The following ANHX variants were observed in gnomAD, a reference collection of about 807,000 sequenced individuals.
ANHX encodes the protein anomalous homeobox, also known as anomalous homeobox protein.
Under a neutral mutation model 38.9 loss-of-function variants are expected in ANHX, and 20 were observed. The ratio of observed to expected loss-of-function variants is 0.51; its 90% CI spans 0.36 to 0.75. The LOEUF (loss-of-function observed/expected upper bound fraction) is 0.75. ANHX is among the 30% of genes least tolerant of loss of function. The probability of loss-of-function intolerance (pLI) is 0.00; values close to 1 mark genes in which losing one functional copy is unlikely to be tolerated. For missense variants in ANHX, 475 were observed against 493.1 expected, an observed-to-expected ratio of 0.96 and a Z score of 0.35; for synonymous variants, 185 against 203.1, an observed-to-expected ratio of 0.91 and a Z score of 0.76.
intron 8 of ANHX, among the ~76,000 whole-genome samples, chr12:133,220,552 A>G (rs900671657): frequency 1.3e-5 from 2 of 152,170 alleles, no homozygotes; most frequent in South Asian, 4.1e-4. Context: ...ATGAGCCTTG[A>G]GTCAACCTGG....
In ANHX at chr12:133,219,334, G is replaced by A; in HGVS notation, c.1314C>T (p.Phe438=). The part of the protein sequence containing the change: ...PPELAPAPSA[F]PGPVSAMELS... ...GCTCCATGGCAGACACAGGGCCGGG[G>A]AAGGCAGATGGGGCTGGGGCCAGCT... The change falls in exon 9 of 10, where the codon TTC becomes TTT. Residue 438 remains phenylalanine (F), a synonymous_variant. Coordinates refer to ENST00000545940, the MANE Select transcript of ANHX (RefSeq NM_001372060.1). 1 of 1,535,080 alleles carries A rather than the reference G, an allele frequency of 6.5e-7. No individual in the cohort carries two copies. The highest frequency in any genetic ancestry group is 8.7e-7 in the Non-Finnish European group (1 of 1,146,428).
chr12:133,224,276 C>T (rs1226934245), intron 7 of ANHX, among the ~76,000 whole-genome samples: 4 of 142,546 alleles, frequency 2.8e-5, no homozygotes, highest in Non-Finnish European at 1.5e-5. Flanking sequence ...TAAAAGCAGA[C>T]AATGTAAAAA....
At position 133,227,162 on chromosome 12, in the gene ANHX, A is replaced by G. The variant is rs1354952570; in HGVS notation, c.502-10T>C. On this transcript the variant is annotated splice_polypyrimidine_tract_variant and intron_variant, in intron 4 of 9. Coordinates refer to ENST00000545940, the MANE Select transcript of ANHX (RefSeq NM_001372060.1). ...CCAATGCCAAGTTCTCCTGCCCCCA[A>G]ACAACAAGACTTCTAGCCCTGCTTC... 5 of 1,531,466 alleles carry G rather than the reference A, an allele frequency of 3.3e-6. No individual in the cohort carries two copies. The highest frequency in any genetic ancestry group is 2.4e-5 in the South Asian group (2 of 83,392). The allele number at this position is 1,531,466 out of a possible 1,614,324, so 94.9% of individuals were successfully genotyped here.
intron 3 of ANHX, 135 bp downstream of exon 3, chr12:133,231,382 A>G: frequency 1.6e-6 from 2 of 1,248,804 alleles, no homozygotes; most frequent in Non-Finnish European, 2.2e-6. Flanking sequence ...CACTGTGACT[A>G]TTACTGCTCC....
rs1462863125 is a variant in ANHX, at chr12:133,227,883, G to C, written c.442C>G (p.Arg148Gly). ...LKSRNFPREV[R>G]EKLHNFAVGV... ...ACAGCGAAATTGTGCAGCTTCTCACGAACCTCTCTGGGGAAGTTCCGGCTC... is the reference window on the plus strand; with the variant it reads ...ACAGCGAAATTGTGCAGCTTCTCACCAACCTCTCTGGGGAAGTTCCGGCTC... Residue 148 changes from arginine (R) to glycine (G), a missense_variant, in exon 4 of 10, where the codon CGT becomes GGT. Physicochemically the swap from Arg to Gly is moderately radical, Grantham distance 125. Transcript: ENST00000545940. The C allele has an allele frequency of 6.8e-7, 1 of 1,476,476 alleles. No individual in the cohort carries two copies. The highest frequency in any genetic ancestry group is 1.4e-5 in the African/African-American group (1 of 70,714). 91.5% of individuals were successfully genotyped at this position (1,476,476 alleles called of 1,614,324 possible).
At chr12:133,219,117 C>T in intron 9 of ANHX, 146 bp from the exon 10 acceptor site, 1 of 1,002,644 alleles carries the variant, frequency 1.0e-6, no homozygotes, top group Non-Finnish European at 1.5e-6. Flanking sequence ...CATCCCTCAC[C>T]CCAGCTCCCA....
At chr12:133,234,000 T>G in intron 2 of ANHX, 108 bp downstream of exon 2, 2 of 1,402,254 alleles carry the variant, frequency 1.4e-6, no homozygotes. Context: ...CTCTGGCCAG[T>G]GGGTTCCTAC....
chr12:133,223,615 T>G (rs1315001649), intron 7 of ANHX, among the ~76,000 whole-genome samples: 1 of 151,942 alleles, frequency 6.6e-6, no homozygotes, highest in African/African-American at 2.4e-5. Context: ...CAGCTGATTT[T>G]TAAATATTTT....
intron 7 of ANHX, among the ~76,000 whole-genome samples, chr12:133,222,933 GT>G (rs1165681111): frequency 6.6e-6 from 1 of 152,244 alleles, no homozygotes; most frequent in African/African-American, 2.4e-5. Context: ...GCTCATGCCT[GT>G]AATCCCAGCA....
intron 6 of ANHX, among the ~76,000 whole-genome samples, 155 bp downstream of exon 6, chr12:133,226,163 C>T (rs1282218237): frequency 1.3e-5 from 2 of 152,206 alleles, no homozygotes; most frequent in African/African-American, 4.8e-5. Flanking sequence ...CTGACGTGGG[C>T]TCCTTGCTGG....
Position 133,235,856 on chromosome 12 carries a change from G to C in ANHX, c.-72C>G, listed in dbSNP as rs890809561. The C allele has an allele frequency of 1.3e-5, 2 of 151,936 alleles. No homozygotes were observed. The highest frequency in any genetic ancestry group is 4.8e-5 in the African/African-American group (2 of 41,354). 9.4% of individuals were successfully genotyped at this position (151,936 alleles called of 1,614,324 possible). A position where few individuals can be genotyped will look rare whatever the true frequency, so the allele number is the denominator to read the frequency against. On this transcript the variant is annotated 5_prime_UTR_variant, in exon 1 of 10. Transcript: ENST00000545940. ...GCGCACGTGCTTGGCGCGCACCCGG[G>C]GCTGGCGAGGAGGCGCTGGGCAGCA...
Position 133,234,374 on chromosome 12 carries a change from C to T in ANHX, c.-18G>A. ...CTCTGCATCCTGTGCTGGGTCGTGGCCACTCTGCCAACACAAACAGTCACA... is the reference window on the plus strand; with the variant it reads ...CTCTGCATCCTGTGCTGGGTCGTGGTCACTCTGCCAACACAAACAGTCACA... On this transcript the variant is annotated 5_prime_UTR_variant, in exon 2 of 10. Coordinates refer to ENST00000545940, the MANE Select transcript of ANHX (RefSeq NM_001372060.1). 1.3e-6 allele frequency: 2 copies of T among 1,525,974 alleles called. No homozygotes were observed. Among genetic ancestry groups the T allele is most frequent in the Non-Finnish European group, 8.8e-7 (1 of 1,139,228 alleles). 94.5% of individuals were successfully genotyped at this position (1,525,974 alleles called of 1,614,324 possible).
rs1957330771 is a variant in ANHX at position 133,234,289 on chromosome 12, G to T, written c.68C>A (p.Thr23Asn). 6.5e-7 allele frequency: 1 copy of T among 1,536,184 alleles called. No homozygotes were observed. The highest frequency in any genetic ancestry group is 8.7e-7 in the Non-Finnish European group (1 of 1,146,902). ...GTCCCGGCACAGTCTGCCCGCAAGG[G>T]TCACCAGCTCCGCCGGGGGTGCACA... ...DTCAPPAELV[T>N]LAGRLCRDFQ... The change falls in exon 2 of 10, where the codon ACC (threonine) becomes AAC (asparagine). Residue 23 changes from threonine to asparagine, a missense_variant. By Grantham distance (65) the Thr-to-Asn change is moderately conservative. Transcript: ENST00000545940.
In ANHX at chr12:133,225,711, G is replaced by T. The variant is rs1957180522; in HGVS notation, c.957C>A (p.Asn319Lys). 6.6e-6 allele frequency among the ~76,000 whole-genome samples: 1 copy of T among 152,244 alleles called. No individual in the cohort carries two copies. Among genetic ancestry groups the T allele is most frequent in the Non-Finnish European group, 1.5e-5 (1 of 68,038 alleles). Residue 319 changes from asparagine (N) to lysine (K), a missense_variant, in exon 7 of 10, where the codon AAC becomes AAA. Transcript: ENST00000545940. ...AAGATTCAGGGGCAGCCAGAGAGGG[G>T]TTCAGCATGTCATTGCCAGCAGCCA... ...CPLAAGNDML[N>K]PSLAAPESWL...
chr12:133,224,192 G>T (rs1292445819), intron 7 of ANHX, among the ~76,000 whole-genome samples: 1 of 152,102 alleles, frequency 6.6e-6, no homozygotes, highest in Non-Finnish European at 1.5e-5. Context: ...GGAGGGGAAA[G>T]GGAAAATGGA....
rs1444523193 is a variant in ANHX at position 133,227,140 on chromosome 12, A to G, written c.514T>C (p.Leu172=). Residue 172 remains leucine (L), a synonymous_variant, in exon 5 of 10, where the codon TTG becomes CTG. Coordinates refer to ENST00000545940, the MANE Select transcript of ANHX (RefSeq NM_001372060.1). ...TGCTCAGGGGTCAAGCTCGTCTCCA[A>G]TGCCAAGTTCTCCTGCCCCCAAACA... The part of the protein sequence containing the change: ...PSKAERENLA[L]ETSLTPEQVY... 10 of 1,534,776 alleles carry G rather than the reference A, an allele frequency of 6.5e-6. No individual in the cohort carries two copies. The highest frequency in any genetic ancestry group is 3.6e-5 in the South Asian group (3 of 83,946).
At chr12:133,225,314 TACACACACACACAC>T (rs36198127) in intron 7 of ANHX, among the ~76,000 whole-genome samples, 1 of 141,498 alleles carries the variant, frequency 7.1e-6, no homozygotes, top group East Asian at 2.0e-4. Context: ...TATGCATACA[TACACACACACACAC>T]ACACACACAC....
rs560897793 is a variant in ANHX, at chr12:133,231,392, C to T, written c.377+125G>A. The T allele has an allele frequency of 1.2e-4, 157 of 1,314,960 alleles. 1 individual carries two copies. In the South Asian group the frequency reaches 1.3e-3, roughly 11 times the overall value. The allele number at this position is 1,314,960 out of a possible 1,614,324, so 81.5% of individuals were successfully genotyped here. A position where few individuals can be genotyped will look rare whatever the true frequency, so the allele number is the denominator to read the frequency against. ...GACTACACTGTGACTATTACTGCTC[C>T]GGCGGACATTTCCTGTCCCTATCTC... On this transcript the variant is annotated intron_variant, in intron 3 of 9. Transcript: ENST00000545940.
At chr12:133,233,599 G>T (rs893010688) in intron 2 of ANHX, among the ~76,000 whole-genome samples, 1 of 152,124 alleles carries the variant, frequency 6.6e-6, no homozygotes, top group Non-Finnish European at 1.5e-5. Flanking sequence ...AACGTACAGT[G>T]GTCACATTAG....
Sources: allele counts gnomAD v4.1 joint callset (sites outside exome capture counted in the v4.1 genomes callset), GRCh38; gene constraint gnomAD v4.1.1; transcripts MANE v1.5; gene names NCBI Gene and HGNC (gene_info 2026-07-23, HGNC 2026-07-21).